The following ARHGAP22 variants were observed in gnomAD, a reference collection of about 807,000 sequenced individuals.
ARHGAP22 encodes the protein Rho GTPase activating protein 22, also known as rho GTPase-activating protein 22.
ARHGAP22 carries 48 observed loss-of-function variants against 59.1 expected under a neutral mutation model. The observed-to-expected ratio is 0.81, with a 90% CI of 0.64 to 1.03. The LOEUF (loss-of-function observed/expected upper bound fraction) is 1.03, where lower values mean the gene tolerates loss of function less well. Among genes scored for constraint, ARHGAP22 ranks in the 50% least tolerant of loss-of-function variants. The pLI, the probability that ARHGAP22 is intolerant of heterozygous loss-of-function variation, is 0.00. For missense variants in ARHGAP22, 1,015 were observed against 958.7 expected, an observed-to-expected ratio of 1.06 and a Z score of -0.78; for synonymous variants, 445 against 416.4, an observed-to-expected ratio of 1.07 and a Z score of -0.84.
chr10:48,623,591 T>A (rs1300456527), intron 1 of ARHGAP22, among the ~76,000 whole-genome samples: 1 of 152,158 alleles, frequency 6.6e-6, no homozygotes, highest in Non-Finnish European at 1.5e-5. Context: ...GGACAGGCAG[T>A]ACATCAGGCA....
At chr10:48,544,861 G>C (rs2056291646) in intron 3 of ARHGAP22, among the ~76,000 whole-genome samples, 1 of 152,096 alleles carries the variant, frequency 6.6e-6, no homozygotes, top group South Asian at 2.1e-4. Flanking sequence ...TGTACCCCAT[G>C]AATATGTACA....
chr10:48,615,645 C>T (rs1280882683), intron 1 of ARHGAP22, among the ~76,000 whole-genome samples: 2 of 151,970 alleles, frequency 1.3e-5, no homozygotes, highest in Admixed American at 6.6e-5. Context: ...TAGAACTGTC[C>T]ATAATGGAGC....
chr10:48,457,189 AC>A (rs2046620290), intron 5 of ARHGAP22, among the ~76,000 whole-genome samples: 2 of 151,954 alleles, frequency 1.3e-5, no homozygotes, highest in Non-Finnish European at 2.9e-5. Context: ...CCACGCCAAC[AC>A]CGGCATCTAT....
intron 2 of ARHGAP22, among the ~76,000 whole-genome samples, chr10:48,557,594 G>A (rs148526757): frequency 2.9e-4 from 44 of 152,288 alleles, no homozygotes; most frequent in African/African-American, 1.0e-3. Flanking sequence ...GTCAGCTCAG[G>A]TGTGCCCAAT....
chr10:48,649,539 C>A (rs1027652063), intron 1 of ARHGAP22, among the ~76,000 whole-genome samples: 1 of 152,142 alleles, frequency 6.6e-6, no homozygotes, highest in Non-Finnish European at 1.5e-5. Flanking sequence ...ACTGTGATCC[C>A]GAGGCACAGT....
intron 3 of ARHGAP22, among the ~76,000 whole-genome samples, chr10:48,492,481 A>C (rs2050497798): frequency 6.6e-6 from 1 of 152,194 alleles, no homozygotes; most frequent in African/African-American, 2.4e-5. Context: ...GAAACTTCAA[A>C]TGTTTTAGCA....
intron 1 of ARHGAP22, among the ~76,000 whole-genome samples, chr10:48,591,975 A>G (rs1220149681): frequency 6.6e-6 from 1 of 152,232 alleles, no homozygotes; most frequent in South Asian, 2.1e-4. Flanking sequence ...CTACAAATGC[A>G]TGGGTAGTCA....
intron 1 of ARHGAP22, chr10:48,624,076 T>A (rs1182603519): frequency 6.6e-6 from 1 of 152,268 alleles, no homozygotes; most frequent in Non-Finnish European, 1.5e-5. Flanking sequence ...TCTGTCCATG[T>A]CTCTTTTTTT....
chr10:48,537,209 G>T (rs1436715540), intron 3 of ARHGAP22, among the ~76,000 whole-genome samples: 1 of 152,252 alleles, frequency 6.6e-6, no homozygotes, highest in African/African-American at 2.4e-5. Flanking sequence ...CGGGGTGGCT[G>T]GTCTTGCAGC....
chr10:48,590,396 T>C (rs1237970671), intron 1 of ARHGAP22, among the ~76,000 whole-genome samples: 1 of 151,952 alleles, frequency 6.6e-6, no homozygotes, highest in East Asian at 1.9e-4. Flanking sequence ...GAGGTTAGCA[T>C]GAGATGGCAA....
intron 3 of ARHGAP22, among the ~76,000 whole-genome samples, chr10:48,537,300 G>C (rs1235791262): frequency 6.6e-6 from 1 of 152,220 alleles, no homozygotes; most frequent in African/African-American, 2.4e-5. Context: ...GCCCTGCTCT[G>C]TGCCAGACAT....
At position 48,550,523 on chromosome 10, in the gene ARHGAP22, A is replaced by G. The variant is rs563508568; in HGVS notation, c.322+4940T>C. Reference sequence around the variant, plus strand: ...TGGGCTGTGACGGGATGATGGGGCCACTTCCAGGCCTGGACCAACACATCT... The same window carrying G: ...TGGGCTGTGACGGGATGATGGGGCCGCTTCCAGGCCTGGACCAACACATCT... On this transcript the variant is annotated intron_variant, in intron 3 of 9. Transcript: ENST00000249601. 6.6e-5 allele frequency among the ~76,000 whole-genome samples: 10 copies of G among 152,296 alleles called. No homozygotes were observed. In the East Asian group the frequency reaches 1.7e-3, roughly 26 times the overall value.
chr10:48,574,295 T>C (rs973120284), intron 2 of ARHGAP22, among the ~76,000 whole-genome samples: 2 of 152,234 alleles, frequency 1.3e-5, no homozygotes, highest in Non-Finnish European at 2.9e-5. Context: ...ATACCAATTA[T>C]GTGTCAAGTA....
intron 1 of ARHGAP22, among the ~76,000 whole-genome samples, chr10:48,632,902 A>C (rs2061676245): frequency 6.6e-6 from 1 of 152,222 alleles, no homozygotes; most frequent in Admixed American, 6.5e-5. Context: ...ATGAAACCAG[A>C]AGCCAGAGTC....
At chr10:48,506,393 C>T (rs544365169) in intron 3 of ARHGAP22, among the ~76,000 whole-genome samples, 13 of 152,212 alleles carry the variant, frequency 8.5e-5, no homozygotes, top group East Asian at 5.8e-4. Context: ...AATAATAACA[C>T]GGTGGGAAGT....
chr10:48,540,799 T>C (rs2055860281), intron 3 of ARHGAP22, among the ~76,000 whole-genome samples: 1 of 152,012 alleles, frequency 6.6e-6, no homozygotes, highest in Non-Finnish European at 1.5e-5. Context: ...TGCTCCTTCA[T>C]TGGTTTAATT....
chr10:48,633,319 T>A (rs1313020062), intron 1 of ARHGAP22, among the ~76,000 whole-genome samples: 1 of 152,224 alleles, frequency 6.6e-6, no homozygotes, highest in East Asian at 1.9e-4. Flanking sequence ...GCTGGAGAAG[T>A]AAAACTGGGA....
chr10:48,636,121 G>T (rs2061806378), intron 1 of ARHGAP22, among the ~76,000 whole-genome samples: 1 of 152,234 alleles, frequency 6.6e-6, no homozygotes, highest in Admixed American at 6.5e-5. Context: ...CAGGGGTCCT[G>T]TGCTGCCAGG....
At chr10:48,493,382 C>T (rs2050601694) in intron 3 of ARHGAP22, 1 of 1,485,702 alleles carries the variant, frequency 6.7e-7, no homozygotes, top group Admixed American at 2.0e-5. Flanking sequence ...TAATCGCCCT[C>T]CCCAGTCTCC....
Sources: allele counts gnomAD v4.1 joint callset (sites outside exome capture counted in the v4.1 genomes callset), GRCh38; gene constraint gnomAD v4.1.1; transcripts MANE v1.5; gene names NCBI Gene and HGNC (gene_info 2026-07-23, HGNC 2026-07-21).